Variants in PRKN observed in about 807,000 individuals in gnomAD.
PRKN encodes the protein parkin RBR E3 ubiquitin protein ligase, also known as E3 ubiquitin-protein ligase parkin.
Under a neutral mutation model 59.5 loss-of-function variants are expected in PRKN, and 56 were observed. That is an observed-to-expected ratio of 0.94 (90% CI 0.76 to 1.18). The LOEUF is 1.18. Among genes scored for constraint, PRKN ranks in the 50% most tolerant of loss-of-function variants. PRKN has a pLI of 0.00. For synonymous variants in PRKN, 250 were observed against 222.1 expected, an observed-to-expected ratio of 1.13 and a Z score of -1.12; for missense variants, 657 against 596.4, an observed-to-expected ratio of 1.10 and a Z score of -1.06.
intron 7 of PRKN, among the ~76,000 whole-genome samples, chr6:161,750,914 T>G (rs1023286255): frequency 2.0e-5 from 3 of 152,092 alleles, no homozygotes; most frequent in Non-Finnish European, 4.4e-5. Context: ...CGAAAAGGAA[T>G]GCAATATATT....
At chr6:162,487,111 G>C (rs371973248) in intron 1 of PRKN, among the ~76,000 whole-genome samples, 1 of 151,920 alleles carries the variant, frequency 6.6e-6, no homozygotes, top group African/African-American at 2.4e-5. Context: ...GGAAAAAAAC[G>C]CATAATCACC....
At chr6:161,512,218 C>A (rs1007065027) in intron 9 of PRKN, among the ~76,000 whole-genome samples, 3 of 152,162 alleles carry the variant, frequency 2.0e-5, no homozygotes, top group African/African-American at 7.2e-5. Flanking sequence ...TCTAAAGCCT[C>A]TGACTGCTGC....
At chr6:162,167,970 C>T (rs1048057894) in intron 4 of PRKN, among the ~76,000 whole-genome samples, 5 of 151,910 alleles carry the variant, frequency 3.3e-5, no homozygotes, top group South Asian at 2.1e-4. Flanking sequence ...TAAATAAAAA[C>T]GTCATTTTTT....
chr6:161,549,516 A>G lies in PRKN; in HGVS notation c.934-513T>C, dbSNP rs1235381020. ...AATATTGGCAGCCCACACAATATCAATGAGCTAGAAGAAGACTAATGTTAA... is the reference window on the plus strand; with the variant it reads ...AATATTGGCAGCCCACACAATATCAGTGAGCTAGAAGAAGACTAATGTTAA... On this transcript the variant is annotated intron_variant, in intron 8 of 11. Transcript: ENST00000366898. The surrounding 1 kb of genome is among the most constrained non-coding windows in gnomAD (Gnocchi z 6.0). Among the ~76,000 whole-genome samples the G allele has an allele frequency of 1.3e-5, 2 of 152,216 alleles. No individual in the cohort carries two copies. Among genetic ancestry groups the G allele is most frequent in the East Asian group, 1.9e-4 (1 of 5,200 alleles).
intron 7 of PRKN, among the ~76,000 whole-genome samples, chr6:161,661,854 C>T (rs983806996): frequency 9.2e-5 from 14 of 152,024 alleles, no homozygotes; most frequent in African/African-American, 3.1e-4. Context: ...GAAACCCCGT[C>T]TCTACTAAAA....
chr6:162,554,638 G>A (rs1377751801), intron 1 of PRKN, among the ~76,000 whole-genome samples: 1 of 152,106 alleles, frequency 6.6e-6, no homozygotes, highest in African/African-American at 2.4e-5. Flanking sequence ...CACGGGGTGG[G>A]GGGAGCACAG....
At chr6:162,638,794 G>T (rs1238885516) in intron 1 of PRKN, among the ~76,000 whole-genome samples, 1 of 140,672 alleles carries the variant, frequency 7.1e-6, no homozygotes, top group African/African-American at 2.7e-5. Flanking sequence ...GCCCATGCTG[G>T]AGTGCAATGG....
At chr6:161,973,228 G>T in intron 6 of PRKN, 74 bp downstream of exon 6, 1 of 937,850 alleles carries the variant, frequency 1.1e-6, no homozygotes, top group Non-Finnish European at 1.8e-6. Flanking sequence ...AAAGTAAGGA[G>T]GGGGGAGTGA....
intron 3 of PRKN, among the ~76,000 whole-genome samples, chr6:162,214,008 C>A (rs960094274): frequency 6.6e-6 from 1 of 151,892 alleles, no homozygotes; most frequent in East Asian, 1.9e-4. Flanking sequence ...AGCCATGCAC[C>A]CTAGATCAAA....
chr6:162,694,494 G>A (rs1015031021), intron 1 of PRKN, among the ~76,000 whole-genome samples: 21 of 152,114 alleles, frequency 1.4e-4, no homozygotes, highest in African/African-American at 4.6e-4. Flanking sequence ...AGGCAAATGA[G>A]CAGACATACC....
At chr6:162,062,433 A>G (rs1213945213) in intron 4 of PRKN, among the ~76,000 whole-genome samples, 5 of 152,150 alleles carry the variant, frequency 3.3e-5, no homozygotes, top group Non-Finnish European at 7.4e-5. Context: ...TATGGGCTGA[A>G]CTGCATCCCC....
chr6:161,979,301 C>A (rs1301971133), intron 5 of PRKN, among the ~76,000 whole-genome samples: 1 of 152,112 alleles, frequency 6.6e-6, no homozygotes, highest in African/African-American at 2.4e-5. Context: ...GAGACACGGT[C>A]TCCCCCTGTA....
intron 2 of PRKN, among the ~76,000 whole-genome samples, chr6:162,356,688 T>A (rs1030643147): frequency 6.7e-6 from 1 of 148,290 alleles, no homozygotes; most frequent in African/African-American, 2.5e-5. Context: ...CAAATATCAT[T>A]GGTACCACCC....
intron 2 of PRKN, among the ~76,000 whole-genome samples, chr6:162,363,917 C>T (rs921517603): frequency 1.2e-4 from 19 of 152,170 alleles, no homozygotes; most frequent in Non-Finnish European, 2.9e-5. Flanking sequence ...GGCTTGCATG[C>T]GGCTTGCTAT....
At chr6:162,569,645 T>C (rs1780229601) in intron 1 of PRKN, 2 of 697,486 alleles carry the variant, frequency 2.9e-6, no homozygotes, top group Middle Eastern at 4.0e-4. Context: ...CTGCACCAGC[T>C]CCACCAGGGC....
chr6:161,652,688 G>C (rs1167629591), intron 7 of PRKN, among the ~76,000 whole-genome samples: 1 of 152,126 alleles, frequency 6.6e-6, no homozygotes, highest in Admixed American at 6.6e-5. Context: ...AGTAAAACAT[G>C]ATATATGATT....
At chr6:161,506,256 G>A (rs1778166375) in intron 9 of PRKN, among the ~76,000 whole-genome samples, 1 of 152,090 alleles carries the variant, frequency 6.6e-6, no homozygotes, top group Non-Finnish European at 1.5e-5. Context: ...CTTGTAAGGT[G>A]GATTCCTAGG....
chr6:161,475,245 G>C lies in PRKN; in HGVS notation c.1083+73609C>G, dbSNP rs1791009332. On this transcript the variant is annotated intron_variant, in intron 9 of 11. Transcript: ENST00000366898. This position sits in a 1 kb window ranked among gnomAD's most constrained non-coding sequence, Gnocchi z 5.3. ...GTGATCGCTGCTGTCCTATCAACTGGTGTGATGGAGCTGCCAACTTGGGGG... is the reference window on the plus strand; with the variant it reads ...GTGATCGCTGCTGTCCTATCAACTGCTGTGATGGAGCTGCCAACTTGGGGG... 6.6e-6 allele frequency among the ~76,000 whole-genome samples: 1 copy of C among 152,114 alleles called. No homozygotes were observed. Among genetic ancestry groups the C allele is most frequent in the Non-Finnish European group, 1.5e-5 (1 of 68,016 alleles).
chr6:162,368,125 T>C (rs903668981), intron 2 of PRKN, among the ~76,000 whole-genome samples: 1 of 152,082 alleles, frequency 6.6e-6, no homozygotes, highest in Non-Finnish European at 1.5e-5. Context: ...GGAAATACAG[T>C]TTCCTCCCGA....
Sources: allele counts gnomAD v4.1 joint callset (sites outside exome capture counted in the v4.1 genomes callset), GRCh38; gene constraint gnomAD v4.1.1; non-coding constraint Gnocchi (gnomAD v3.1); transcripts MANE v1.5; gene names NCBI Gene and HGNC (gene_info 2026-07-23, HGNC 2026-07-21).